The following MAGI1 variants were observed in gnomAD, a reference collection of about 807,000 sequenced individuals.
MAGI1 encodes the protein membrane associated guanylate kinase, WW and PDZ domain containing 1, also known as membrane-associated guanylate kinase, WW and PDZ domain-containing protein 1.
A neutral mutation model predicts 139.9 loss-of-function variants in MAGI1; 58 were observed. The observed-to-expected ratio is 0.41, with a 90% CI of 0.34 to 0.52. The LOEUF (loss-of-function observed/expected upper bound fraction) is 0.52, where lower values mean the gene tolerates loss of function less well. Ranked by LOEUF, MAGI1 falls within the 20% of genes least tolerant of loss-of-function variation. MAGI1 has a pLI of 0.12. For synonymous variants in MAGI1, 812 were observed against 737.9 expected (o/e 1.10, Z -1.63); for missense variants, 1,874 against 1,901.6 (o/e 0.99, Z 0.27).
In MAGI1 at chr3:65,585,153, G is replaced by C. The variant is rs539707472; in HGVS notation, c.430+36819C>G. On this transcript the variant is annotated intron_variant, in intron 2 of 22. Transcript: ENST00000402939. ...TTACAGAGGTCAAATGATTTGCCAGGGTCATTCAGACAGTCAAGGACAGAG... is the reference window on the plus strand; with the variant it reads ...TTACAGAGGTCAAATGATTTGCCAGCGTCATTCAGACAGTCAAGGACAGAG... 6.8e-4 allele frequency among the ~76,000 whole-genome samples: 104 copies of C among 152,262 alleles called. 1 individual carries two copies. The highest frequency in any genetic ancestry group is 2.3e-3 in the African/African-American group (96 of 41,550).
At chr3:65,503,827 A>G (rs778341809) in intron 2 of MAGI1, among the ~76,000 whole-genome samples, 3 of 152,198 alleles carry the variant, frequency 2.0e-5, no homozygotes, top group Non-Finnish European at 4.4e-5. Context: ...CTCTATAGCT[A>G]TGACATGGGA....
intron 2 of MAGI1, among the ~76,000 whole-genome samples, chr3:65,583,558 GT>G (rs201236707): frequency 1.4e-4 from 21 of 149,216 alleles, no homozygotes; most frequent in Middle Eastern, 3.4e-3. Context: ...TAACTACAAG[GT>G]TTTTTTTTTA....
intron 22 of MAGI1, chr3:65,358,960 G>T: frequency 1.0e-6 from 1 of 1,001,138 alleles, no homozygotes; most frequent in Non-Finnish European, 1.6e-6. Context: ...AGAACGCAGG[G>T]TGCTCAGAAT....
intron 2 of MAGI1, among the ~76,000 whole-genome samples, chr3:65,501,629 T>A (rs369740755): frequency 1.3e-5 from 2 of 152,220 alleles, no homozygotes; most frequent in South Asian, 4.2e-4. Context: ...GTACAACCAT[T>A]TGGGGAAAGA....
intron 1 of MAGI1, among the ~76,000 whole-genome samples, chr3:65,810,083 T>C (rs1575577521): frequency 6.6e-6 from 1 of 152,350 alleles, no homozygotes; most frequent in Admixed American, 6.5e-5. Flanking sequence ...GTTTCAAGTA[T>C]GACAGAACTA....
rs73832964 is a variant in MAGI1 at position 65,811,540 on chromosome 3, A to G, written c.314-189452T>C. ...GCAAAGCAGAGTCTCTTTCTAAGGA[A>G]ATGTGGAGCTATGACTGAGAGCCAG... On this transcript the variant is annotated intron_variant, in intron 1 of 22. Coordinates refer to ENST00000402939, the MANE Select transcript of MAGI1 (RefSeq NM_001033057.2). 2.8e-3 allele frequency among the ~76,000 whole-genome samples: 425 copies of G among 152,240 alleles called. 3 individuals carry two copies. The highest frequency in any genetic ancestry group is 9.7e-3 in the African/African-American group (404 of 41,562).
intron 14 of MAGI1, 35 bp downstream of exon 14, chr3:65,391,107 G>T (rs764258414): frequency 6.4e-7 from 1 of 1,559,586 alleles, no homozygotes; most frequent in African/African-American, 1.4e-5. Context: ...CCTGCGGAGG[G>T]GTCAGGGTAA....
At chr3:65,384,389 C>A (rs899642662) in intron 14 of MAGI1, among the ~76,000 whole-genome samples, 5 of 152,224 alleles carry the variant, frequency 3.3e-5, no homozygotes, top group Non-Finnish European at 5.9e-5. Context: ...AGTATCACAA[C>A]TATTTACATG....
At chr3:65,837,568 T>C (rs888552987) in intron 1 of MAGI1, among the ~76,000 whole-genome samples, 5 of 152,194 alleles carry the variant, frequency 3.3e-5, no homozygotes, top group Non-Finnish European at 5.9e-5. Flanking sequence ...CCCACCCAGC[T>C]GCTTACCCAA....
At chr3:65,763,864 A>C (rs1322889801) in intron 1 of MAGI1, among the ~76,000 whole-genome samples, 1 of 152,028 alleles carries the variant, frequency 6.6e-6, no homozygotes, top group Non-Finnish European at 1.5e-5. Flanking sequence ...TGAGCACAGG[A>C]GTTCAAGACC....
intron 2 of MAGI1, among the ~76,000 whole-genome samples, chr3:65,544,626 G>C (rs898923086): frequency 1.3e-5 from 2 of 152,150 alleles, no homozygotes; most frequent in Non-Finnish European, 2.9e-5. Flanking sequence ...GCCAGAATGG[G>C]AGGATGTGTG....
chr3:65,861,150 G>A (rs1290128004), intron 1 of MAGI1, among the ~76,000 whole-genome samples: 2 of 152,152 alleles, frequency 1.3e-5, no homozygotes, highest in East Asian at 1.9e-4. Flanking sequence ...AGCCCCCCTC[G>A]CTCTAGTTTT....
intron 1 of MAGI1, among the ~76,000 whole-genome samples, chr3:65,850,188 AAG>A (rs1295896564): frequency 6.6e-6 from 1 of 152,190 alleles, no homozygotes; most frequent in Non-Finnish European, 1.5e-5. Flanking sequence ...AGAACATACT[AAG>A]AGTTTGAACC....
chr3:65,665,251 C>T lies in MAGI1; in HGVS notation c.314-43163G>A, dbSNP rs547896514. ...GTTACAGGGCTCTTAGCTGTGAATT[C>T]GGTGTTAATGAATCCACAATAATAT... On this transcript the variant is annotated intron_variant, in intron 1 of 22. Transcript: ENST00000402939. 1.2e-3 allele frequency among the ~76,000 whole-genome samples: 188 copies of T among 152,212 alleles called. 3 individuals carry two copies. Among genetic ancestry groups the T allele is most frequent in the Non-Finnish European group, 2.2e-3 (149 of 68,026 alleles).
chr3:65,379,794 G>C (rs1942891144), intron 16 of MAGI1, among the ~76,000 whole-genome samples: 1 of 152,132 alleles, frequency 6.6e-6, no homozygotes, highest in Admixed American at 6.5e-5. Flanking sequence ...CCCAAATAGC[G>C]TTTGTTGTTT....
At chr3:65,512,398 T>C (rs1162348938) in intron 2 of MAGI1, among the ~76,000 whole-genome samples, 2 of 146,858 alleles carry the variant, frequency 1.4e-5, no homozygotes, top group African/African-American at 2.5e-5. Context: ...ACAAGATTGA[T>C]AGACCACTAG....
At chr3:65,625,650 ATGT>A (rs1198194027) in intron 1 of MAGI1, among the ~76,000 whole-genome samples, 3 of 152,194 alleles carry the variant, frequency 2.0e-5, no homozygotes, top group African/African-American at 7.2e-5. Context: ...TATAATTATG[ATGT>A]TGTTGAATGG....
chr3:65,727,191 G>C (rs1355277843), intron 1 of MAGI1, among the ~76,000 whole-genome samples: 1 of 152,134 alleles, frequency 6.6e-6, no homozygotes, highest in Non-Finnish European at 1.5e-5. Context: ...GATAGAACAT[G>C]TTAAAAGAAT....
At chr3:65,405,877 G>A (rs1559528273) in intron 12 of MAGI1, among the ~76,000 whole-genome samples, 2 of 135,944 alleles carry the variant, frequency 1.5e-5, no homozygotes, top group Non-Finnish European at 3.3e-5. Context: ...ACAGATGCAC[G>A]TCACCACGCC....
Sources: gnomAD v4.1 joint callset for allele counts (sites outside exome capture counted in the v4.1 genomes callset) on GRCh38, gnomAD v4.1.1 for gene constraint, MANE v1.5 for transcripts, NCBI Gene and HGNC (gene_info 2026-07-23, HGNC 2026-07-21) for gene names.